ATP8A1: variants seen among roughly 807,000 people sequenced by gnomAD.
The protein encoded by ATP8A1 is ATPase phospholipid transporting 8A1.
ATP8A1 carries 90 observed loss-of-function variants against 177.7 expected under a neutral mutation model. The observed-to-expected ratio is 0.51, with a 90% CI of 0.43 to 0.60. The LOEUF is 0.60. ATP8A1 is among the 20% of genes least tolerant of loss of function. ATP8A1 has a pLI of 0.00. For synonymous variants in ATP8A1, 493 were observed against 485.9 expected, an observed-to-expected ratio of 1.01 and a Z score of -0.19; for missense variants, 1,072 against 1,392.8, an observed-to-expected ratio of 0.77 and a Z score of 3.67.
chr4:42,479,135 G>T (rs372281251), intron 25 of ATP8A1, among the ~76,000 whole-genome samples: 24 of 152,306 alleles, frequency 1.6e-4, no homozygotes, highest in African/African-American at 4.3e-4. Context: ...CTAAATTTAA[G>T]CAGCAGTGGT....
intron 31 of ATP8A1, 22 bp from the exon 32 acceptor site, chr4:42,444,656 T>G: frequency 1.2e-6 from 2 of 1,607,380 alleles, no homozygotes; most frequent in Non-Finnish European, 1.7e-6. Flanking sequence ...GGGGAAAATG[T>G]TATTTTACCT....
At chr4:42,614,499 C>T (rs1736706069) in intron 5 of ATP8A1, among the ~76,000 whole-genome samples, 1 of 152,174 alleles carries the variant, frequency 6.6e-6, no homozygotes, top group South Asian at 2.1e-4. Flanking sequence ...GTGTTTGTCC[C>T]TTCACAACTA....
chr4:42,619,089 G>A (rs1345768088), intron 4 of ATP8A1, among the ~76,000 whole-genome samples: 1 of 151,168 alleles, frequency 6.6e-6, no homozygotes, highest in South Asian at 2.1e-4. Context: ...TCATTCTGTC[G>A]TCCAGGCTGG....
At chr4:42,574,389 CA>C (rs1257375739) in intron 14 of ATP8A1, among the ~76,000 whole-genome samples, 6 of 152,146 alleles carry the variant, frequency 3.9e-5, no homozygotes, top group Non-Finnish European at 5.9e-5. Context: ...CAACACTAAA[CA>C]CTGAAAATAC....
intron 22 of ATP8A1, among the ~76,000 whole-genome samples, chr4:42,521,283 G>A (rs1012689363): frequency 6.6e-6 from 1 of 152,180 alleles, no homozygotes; most frequent in Non-Finnish European, 1.5e-5. Flanking sequence ...GAGGAAGAGT[G>A]AGGATTCTGG....
chr4:42,507,794 A>AAAAAC (rs1553890646), intron 22 of ATP8A1, among the ~76,000 whole-genome samples: 1 of 137,896 alleles, frequency 7.3e-6, no homozygotes, highest in Non-Finnish European at 1.6e-5. Context: ...AAAAAAAAAA[A>AAAAAC]AAAAAAAAAA....
intron 1 of ATP8A1, among the ~76,000 whole-genome samples, chr4:42,642,485 C>T (rs577305327): frequency 3.3e-5 from 5 of 152,118 alleles, no homozygotes; most frequent in African/African-American, 9.7e-5. Context: ...CTAAAGAAGA[C>T]GACAGAAACC....
At chr4:42,475,206 G>A (rs966194829) in intron 25 of ATP8A1, among the ~76,000 whole-genome samples, 6 of 152,050 alleles carry the variant, frequency 3.9e-5, no homozygotes, top group African/African-American at 9.7e-5. Context: ...TCACTCTGTC[G>A]CCAGGCTGGA....
At chr4:42,508,246 C>A (rs1415894965) in intron 22 of ATP8A1, among the ~76,000 whole-genome samples, 2 of 152,182 alleles carry the variant, frequency 1.3e-5, no homozygotes, top group Non-Finnish European at 2.9e-5. Flanking sequence ...GATTCTCCTG[C>A]CTCAGCCTCC....
intron 9 of ATP8A1, among the ~76,000 whole-genome samples, chr4:42,584,887 T>C (rs541043754): frequency 1.1e-4 from 16 of 152,286 alleles, no homozygotes; most frequent in Middle Eastern, 3.4e-3. Flanking sequence ...AATCCTCCAG[T>C]GAATTCCCAT....
intron 27 of ATP8A1, among the ~76,000 whole-genome samples, chr4:42,460,084 C>T (rs755633878): frequency 2.8e-4 from 43 of 152,192 alleles, no homozygotes; most frequent in Admixed American, 1.2e-3. Context: ...AGCCACTGCG[C>T]CTGGCCTGTA....
intron 5 of ATP8A1, among the ~76,000 whole-genome samples, chr4:42,602,375 C>T (rs10011739): frequency 0.57 from 86,596 of 151,992 alleles, 24,831 homozygotes; most frequent in South Asian, 0.66. Context: ...GTTTCTGACC[C>T]GGAGTCAAAA....
rs539192122 is a variant in ATP8A1, at chr4:42,524,140, C to G, written c.1807+623G>C. 5.3e-5 allele frequency among the ~76,000 whole-genome samples: 8 copies of G among 152,268 alleles called. No individual in the cohort carries two copies. The Middle Eastern group carries it at 0.01, about 194-fold the overall frequency. ...CGCTGCCTTTCATCTAACCTAGATC[C>G]TCTCTCTAGACTATGTACTGCTTTG... On this transcript the variant is annotated intron_variant, in intron 21 of 36. Coordinates refer to ENST00000381668, the MANE Select transcript of ATP8A1 (RefSeq NM_006095.2).
At chr4:42,536,020 CA>C (rs1363189310) in intron 20 of ATP8A1, among the ~76,000 whole-genome samples, 1 of 151,710 alleles carries the variant, frequency 6.6e-6, no homozygotes, top group Non-Finnish European at 1.5e-5. Flanking sequence ...TGAAAGAGCA[CA>C]AACAGACAAT....
chr4:42,584,407 A>G (rs1733410908), intron 9 of ATP8A1, among the ~76,000 whole-genome samples: 2 of 152,158 alleles, frequency 1.3e-5, no homozygotes, highest in South Asian at 2.1e-4. Flanking sequence ...CTCTTCTTCC[A>G]TTTTCTCAAA....
At chr4:42,619,776 A>C (rs1028145197) in intron 4 of ATP8A1, among the ~76,000 whole-genome samples, 1 of 152,104 alleles carries the variant, frequency 6.6e-6, no homozygotes, top group African/African-American at 2.4e-5. Flanking sequence ...CCAGCTCTCC[A>C]CTTCCATGGA....
At chr4:42,574,215 A>G (rs568842094) in intron 14 of ATP8A1, among the ~76,000 whole-genome samples, 5 of 152,284 alleles carry the variant, frequency 3.3e-5, no homozygotes, top group African/African-American at 9.6e-5. Context: ...AGATGATAGA[A>G]GAAAAAAAAA....
At chr4:42,479,087 C>G (rs902539110) in intron 25 of ATP8A1, among the ~76,000 whole-genome samples, 15 of 152,184 alleles carry the variant, frequency 9.9e-5, no homozygotes, top group Non-Finnish European at 1.9e-4. Context: ...CTTCCATGTT[C>G]ATTCATGAGC....
chr4:42,547,308 A>T (rs1262984138), intron 19 of ATP8A1, among the ~76,000 whole-genome samples: 1 of 152,194 alleles, frequency 6.6e-6, no homozygotes, highest in Non-Finnish European at 1.5e-5. Context: ...ATATTCCTCT[A>T]CAAGGTACAC....
Sources: allele counts gnomAD v4.1 joint callset (sites outside exome capture counted in the v4.1 genomes callset), GRCh38; gene constraint gnomAD v4.1.1; transcripts MANE v1.5; gene names NCBI Gene and HGNC (gene_info 2026-07-23, HGNC 2026-07-21).